The following SGCD variants were observed in gnomAD, a reference collection of about 807,000 sequenced individuals.
SGCD encodes delta-sarcoglycan.
SGCD carries 18 observed loss-of-function variants against 36.6 expected under a neutral mutation model. The observed-to-expected ratio is 0.49, with a 90% confidence interval of 0.34 to 0.73. The LOEUF (loss-of-function observed/expected upper bound fraction) is 0.73, where lower values mean the gene tolerates loss of function less well. SGCD is among the 30% of genes least tolerant of loss of function. The probability of loss-of-function intolerance (pLI) is 0.01; values close to 1 mark genes in which losing one functional copy is unlikely to be tolerated. For synonymous variants in SGCD, 133 were observed against 130.6 expected (o/e 1.02, Z -0.12); for missense variants, 387 against 346.7 (o/e 1.12, Z -0.92).
chr5:156,640,951 G>A lies in SGCD; in HGVS notation c.503-6513G>A, dbSNP rs141567224. On this transcript the variant is annotated intron_variant, in intron 6 of 8. Transcript: ENST00000337851. ...AGTTACTTTCTAGCATCTGTGTATT[G>A]TTCATGTCTGGGAAGATTTTCAGAA... 4.5e-3 allele frequency among the ~76,000 whole-genome samples: 689 copies of A among 152,242 alleles called. 4 individuals are homozygous for A. Among genetic ancestry groups the A allele is most frequent in the African/African-American group, 0.014 (570 of 41,554 alleles).
At chr5:155,799,094 T>C in the SGCD span, among the ~76,000 whole-genome samples, 6 of 152,218 alleles carry the variant, frequency 3.9e-5, no homozygotes, top group East Asian at 1.2e-3. Context: ...GGACAAAGCC[T>C]TCTCTCTTTG....
chr5:155,737,411 A>C, the SGCD span, among the ~76,000 whole-genome samples: 1 of 152,196 alleles, frequency 6.6e-6, no homozygotes, highest in Non-Finnish European at 1.5e-5. Context: ...CACCCATATC[A>C]TTGAAATAAA....
At chr5:156,531,708 A>G (rs1241677728) in intron 4 of SGCD, among the ~76,000 whole-genome samples, 4 of 152,158 alleles carry the variant, frequency 2.6e-5, no homozygotes, top group African/African-American at 9.7e-5. Context: ...CGCCCACAAA[A>G]TATAGTAGCC....
intron 4 of SGCD, among the ~76,000 whole-genome samples, chr5:156,524,332 G>A (rs1356683959): frequency 7.0e-6 from 1 of 143,544 alleles, no homozygotes; most frequent in East Asian, 2.0e-4. Context: ...AAGAAACTAG[G>A]ATGATTTCAT....
chr5:156,650,682 G>A (rs1763424272), intron 7 of SGCD, among the ~76,000 whole-genome samples: 1 of 152,050 alleles, frequency 6.6e-6, no homozygotes, highest in Admixed American at 6.6e-5. Flanking sequence ...GTTTTTTATG[G>A]CTTTGTAGTG....
chr5:155,916,452 C>T (rs1445294246), intron 1 of SGCD, among the ~76,000 whole-genome samples: 4 of 151,986 alleles, frequency 2.6e-5, no homozygotes, highest in Non-Finnish European at 4.4e-5. Context: ...ATAGGTTGCC[C>T]CAGTACCCTG....
intron 1 of SGCD, among the ~76,000 whole-genome samples, chr5:156,010,220 A>G (rs1758832381): frequency 6.6e-6 from 1 of 152,224 alleles, no homozygotes; most frequent in South Asian, 2.1e-4. Flanking sequence ...TAGAGATTCT[A>G]TACATAATAG....
At chr5:156,396,328 G>A (rs972152801) in intron 3 of SGCD, among the ~76,000 whole-genome samples, 3 of 152,324 alleles carry the variant, frequency 2.0e-5, no homozygotes, top group East Asian at 3.9e-4. Flanking sequence ...AAAATATTTC[G>A]ACTGCAATTG....
chr5:156,650,423 C>A (rs565344535), intron 7 of SGCD, among the ~76,000 whole-genome samples: 1 of 152,010 alleles, frequency 6.6e-6, no homozygotes, highest in Admixed American at 6.6e-5. Flanking sequence ...GTTTGGAGTA[C>A]GAATGATCCG....
intron 3 of SGCD, among the ~76,000 whole-genome samples, chr5:156,313,912 C>T (rs1335598574): frequency 1.3e-5 from 2 of 152,018 alleles, no homozygotes; most frequent in African/African-American, 4.8e-5. Context: ...AAATGCAGCA[C>T]AGGCCGTGAC....
chr5:156,214,685 T>A (rs1224948330), intron 3 of SGCD, among the ~76,000 whole-genome samples: 1 of 152,070 alleles, frequency 6.6e-6, no homozygotes, highest in Non-Finnish European at 1.5e-5. Context: ...TCACATTACA[T>A]GATTTCAAAT....
chr5:156,757,876 A>C, intron 8 of SGCD, 172 bp downstream of exon 8: 1 of 1,291,502 alleles, frequency 7.7e-7, no homozygotes, highest in Admixed American at 3.8e-5. Context: ...CAAACCCACA[A>C]TCCATCAAAG....
chr5:155,942,334 G>GTATGTATCTATCTATCTATCTATCTATC (rs779514666), intron 1 of SGCD, among the ~76,000 whole-genome samples: 5 of 138,414 alleles, frequency 3.6e-5, no homozygotes, highest in East Asian at 4.4e-4. Context: ...ATGTATGTAT[G>GTATGTATCTATCTATCTATCTATCTATC]TATCTATCTA....
At position 156,743,907 on chromosome 5, in the gene SGCD, TGTTC is replaced by T. The variant is rs538771274; in HGVS notation, c.576-13673_576-13670del. ...GAACTTATATAATTAGAGAAGATTA[TGTTC>T]CTTCTTCCTATTTTCTGGTGCTTAT... On this transcript the variant is annotated intron_variant, in intron 7 of 8. Transcript: ENST00000337851. Among the ~76,000 whole-genome samples the T allele has an allele frequency of 6.8e-3, 1,029 of 152,376 alleles. 4 individuals are homozygous for T. Among genetic ancestry groups the T allele is most frequent in the Non-Finnish European group, 0.012 (784 of 68,032 alleles).
intron 1 of SGCD, among the ~76,000 whole-genome samples, chr5:156,043,039 G>A (rs1561693713): frequency 1.3e-5 from 2 of 152,130 alleles, no homozygotes; most frequent in East Asian, 1.9e-4. Flanking sequence ...CCCCAGGAAT[G>A]ATTAAGGACA....
intron 3 of SGCD, among the ~76,000 whole-genome samples, chr5:156,364,147 A>G (rs1769958896): frequency 6.6e-6 from 1 of 151,650 alleles, no homozygotes; most frequent in Non-Finnish European, 1.5e-5. Context: ...CTCAGAACTG[A>G]ATCTACTGAG....
chr5:155,845,611 A>G, the SGCD span: 2 of 152,180 alleles, frequency 1.3e-5, no homozygotes, highest in Non-Finnish European at 2.9e-5. Context: ...TTCTCCAAAA[A>G]TGTTCAGCGT....
intron 1 of SGCD, among the ~76,000 whole-genome samples, chr5:156,011,621 G>A (rs1321547832): frequency 3.9e-5 from 6 of 152,064 alleles, no homozygotes; most frequent in Non-Finnish European, 7.4e-5. Context: ...TGTATTTTTA[G>A]TAAAGACAGG....
At chr5:156,670,933 A>C (rs1184438811) in intron 7 of SGCD, among the ~76,000 whole-genome samples, 2 of 151,974 alleles carry the variant, frequency 1.3e-5, no homozygotes, top group African/African-American at 4.8e-5. Flanking sequence ...GTCATCTCCC[A>C]TTACCCTTTC....
Sources: gnomAD v4.1 joint callset for allele counts (sites outside exome capture counted in the v4.1 genomes callset) on GRCh38, gnomAD v4.1.1 for gene constraint, MANE v1.5 for transcripts, NCBI Gene and HGNC (gene_info 2026-07-23, HGNC 2026-07-21) for gene names.